The following LDLRAD3 variants were observed in gnomAD, a reference collection of about 807,000 sequenced individuals.
LDLRAD3 encodes the protein low-density lipoprotein receptor class A domain-containing protein 3.
LDLRAD3 carries 20 observed loss-of-function variants against 29.4 expected under a neutral mutation model. That is an observed-to-expected ratio of 0.68 (90% confidence interval 0.48 to 0.99). The LOEUF (loss-of-function observed/expected upper bound fraction) is 0.99. Among genes scored for constraint, LDLRAD3 ranks in the 50% least tolerant of loss-of-function variants. LDLRAD3 has a pLI of 0.00. For missense variants in LDLRAD3, 420 were observed against 454.3 expected, an observed-to-expected ratio of 0.92 and a Z score of 0.69; for synonymous variants, 157 against 192.7, an observed-to-expected ratio of 0.81 and a Z score of 1.53.
In LDLRAD3 at chr11:36,118,512, T is replaced by A. The variant is rs201135991; in HGVS notation, c.454+20051T>A. On this transcript the variant is annotated intron_variant, in intron 4 of 5. Transcript: ENST00000315571. The stretch of plus-strand genomic sequence containing the variant: ...GTAAGAGTGAGTGTGTGTGTGTGTG[T>A]GAGAGAGAGAGAGAGAAGGAGGGAG... 2.4e-3 allele frequency among the ~76,000 whole-genome samples: 352 copies of A among 148,558 alleles called. 5 individuals carry two copies. Among genetic ancestry groups the A allele is most frequent in the African/African-American group, 3.9e-3 (160 of 40,562 alleles).
chr11:36,119,258 A>G (rs1853718417), intron 4 of LDLRAD3, among the ~76,000 whole-genome samples: 1 of 152,190 alleles, frequency 6.6e-6, no homozygotes, highest in Admixed American at 6.5e-5. Flanking sequence ...TATTATGAAT[A>G]AGGCTGCCAT....
intron 1 of LDLRAD3, among the ~76,000 whole-genome samples, chr11:36,001,884 C>CT (rs1365687712): frequency 6.6e-6 from 1 of 152,020 alleles, no homozygotes; most frequent in Non-Finnish European, 1.5e-5. Flanking sequence ...TTCACTCAGA[C>CT]TTTTTTACCC....
intron 3 of LDLRAD3, among the ~76,000 whole-genome samples, chr11:36,083,523 T>C (rs1251811866): frequency 6.6e-6 from 1 of 152,080 alleles, no homozygotes; most frequent in Non-Finnish European, 1.5e-5. Flanking sequence ...CGAAAAGTAG[T>C]CAGTATAATG....
intron 3 of LDLRAD3, among the ~76,000 whole-genome samples, chr11:36,092,238 C>T (rs1853293830): frequency 6.6e-6 from 1 of 152,184 alleles, no homozygotes; most frequent in South Asian, 2.1e-4. Flanking sequence ...TTTTTAGAAC[C>T]TTCTAGTCTC....
chr11:36,188,692 G>A (rs1428989185), intron 4 of LDLRAD3, among the ~76,000 whole-genome samples: 4 of 152,208 alleles, frequency 2.6e-5, no homozygotes, highest in African/African-American at 9.7e-5. Flanking sequence ...ACTCTCTGCT[G>A]AGGGTAGAAC....
In LDLRAD3 at chr11:36,205,383, C is replaced by T. The variant is rs537133814; in HGVS notation, c.455-21702C>T. Among the ~76,000 whole-genome samples, 6 of 152,298 alleles carry T rather than the reference C, an allele frequency of 3.9e-5. No individual in the cohort carries two copies. The South Asian group carries it at 1.2e-3, about 32-fold the overall frequency. On this transcript the variant is annotated intron_variant, in intron 4 of 5. Coordinates refer to ENST00000315571, the MANE Select transcript of LDLRAD3 (RefSeq NM_174902.4). ...TGAATTCCAAGGAGTAGGACAGTCA[C>T]CGGCTTCACACAGCCCTGTCATTGT...
At chr11:36,045,290 G>A (rs1248602944) in intron 2 of LDLRAD3, among the ~76,000 whole-genome samples, 2 of 152,122 alleles carry the variant, frequency 1.3e-5, no homozygotes, top group East Asian at 3.8e-4. Flanking sequence ...TGAAGATGTT[G>A]GTAATTTTAC....
chr11:36,025,550 G>A (rs948623858), intron 1 of LDLRAD3, among the ~76,000 whole-genome samples: 21 of 151,704 alleles, frequency 1.4e-4, no homozygotes, highest in African/African-American at 4.1e-4. Context: ...CACCACTCCC[G>A]GCTAATTTTT....
chr11:36,071,495 G>A lies in LDLRAD3; in HGVS notation c.194-10158G>A, dbSNP rs1264090189. 3.9e-5 allele frequency among the ~76,000 whole-genome samples: 6 copies of A among 152,136 alleles called. 1 individual carries two copies. Among genetic ancestry groups the A allele is most frequent in the South Asian group, 2.1e-4 (1 of 4,832 alleles). On this transcript the variant is annotated intron_variant, in intron 2 of 5. Transcript: ENST00000315571. ...AACACCCCAAATGTCCATCAGTAACGGGATTTATGGATACATAGACACAGT... is the reference window on the plus strand; with the variant it reads ...AACACCCCAAATGTCCATCAGTAACAGGATTTATGGATACATAGACACAGT...
intron 3 of LDLRAD3, among the ~76,000 whole-genome samples, chr11:36,082,516 A>G (rs774966053): frequency 6.6e-6 from 1 of 152,216 alleles, no homozygotes; most frequent in Non-Finnish European, 1.5e-5. Context: ...TCAGACAAAA[A>G]GTGTTTATAT....
In LDLRAD3 at chr11:36,098,407, G is replaced by T. The variant is rs775910416; in HGVS notation, c.400G>T (p.Gly134Ter). The change falls in exon 4 of 6, where the codon GGA (glycine) becomes TGA (stop). Residue 134 changes from glycine (G) to a stop codon, truncating the protein, a stop_gained. Transcript: ENST00000315571. LOFTEE classifies it high-confidence loss of function. ...TATTGACAAGAGCTTCATCTGCGAT[G>T]GACAGAATAACTGTCAAGACAACAG... is the stretch of plus-strand genomic sequence containing the variant. ...LCIDKSFICDGQNNCQDNSDE... is the reference protein window; with the variant it reads ...LCIDKSFICD 6.2e-7 allele frequency: 1 copy of T among 1,614,152 alleles called. No homozygotes were observed.
intron 1 of LDLRAD3, among the ~76,000 whole-genome samples, chr11:35,989,371 A>G (rs1851659265): frequency 6.6e-6 from 1 of 152,184 alleles, no homozygotes; most frequent in African/African-American, 2.4e-5. Flanking sequence ...TTTTGGTTCC[A>G]TATGAATTTT....
At chr11:36,180,185 G>T (rs961905029) in intron 4 of LDLRAD3, among the ~76,000 whole-genome samples, 3 of 151,980 alleles carry the variant, frequency 2.0e-5, no homozygotes, top group Non-Finnish European at 2.9e-5. Flanking sequence ...TTAGTTGAAG[G>T]TCTCTTCCAT....
chr11:36,091,541 G>A (rs1015110137), intron 3 of LDLRAD3, among the ~76,000 whole-genome samples: 1 of 151,574 alleles, frequency 6.6e-6, no homozygotes, highest in Admixed American at 6.6e-5. Context: ...TGAGTGTTGT[G>A]GCTTGGGAAA....
intron 4 of LDLRAD3, among the ~76,000 whole-genome samples, chr11:36,180,234 C>T (rs1565283513): frequency 2.0e-5 from 3 of 152,004 alleles, no homozygotes; most frequent in African/African-American, 7.2e-5. Context: ...GATTTGTCTG[C>T]CTCTTCACTC....
chr11:35,978,175 C>T (rs1851497927), intron 1 of LDLRAD3, among the ~76,000 whole-genome samples: 1 of 152,206 alleles, frequency 6.6e-6, no homozygotes, highest in Non-Finnish European at 1.5e-5. Context: ...GGTAAGCCAG[C>T]TTATTTAAAA....
chr11:36,064,201 T>C (rs1197560751), intron 2 of LDLRAD3, among the ~76,000 whole-genome samples: 2 of 152,240 alleles, frequency 1.3e-5, no homozygotes, highest in Non-Finnish European at 2.9e-5. Flanking sequence ...ATAATTTCAT[T>C]TTTGGATTGC....
intron 1 of LDLRAD3, among the ~76,000 whole-genome samples, chr11:35,976,958 C>A (rs1851484481): frequency 1.3e-5 from 2 of 152,112 alleles, no homozygotes; most frequent in South Asian, 4.1e-4. Context: ...TGCATGCTTA[C>A]AACATATTTA....
chr11:35,966,495 G>A (rs185627011), intron 1 of LDLRAD3, among the ~76,000 whole-genome samples: 2 of 152,308 alleles, frequency 1.3e-5, no homozygotes, highest in African/African-American at 4.8e-5. Flanking sequence ...TTTGGATAAA[G>A]TATGATGAAA....
Sources: allele counts gnomAD v4.1 joint callset (sites outside exome capture counted in the v4.1 genomes callset), GRCh38; gene constraint gnomAD v4.1.1; transcripts MANE v1.5; gene names NCBI Gene and HGNC (gene_info 2026-07-23, HGNC 2026-07-21).